The following SCMH1 variants were observed in gnomAD, a reference collection of about 807,000 sequenced individuals.
SCMH1 encodes the protein Scm polycomb group protein homolog 1, also known as polycomb protein SCMH1.
In SCMH1, 37 loss-of-function variants were observed where a neutral mutation model predicts 70.8. That is an observed-to-expected ratio of 0.52 (90% CI 0.40 to 0.69). The LOEUF is 0.69. SCMH1 is among the 30% of genes least tolerant of loss of function. The pLI, the probability that SCMH1 is intolerant of heterozygous loss-of-function variation, is 0.00. For missense variants in SCMH1, 607 were observed against 827.3 expected (o/e 0.73, Z 3.27); for synonymous variants, 292 against 307.4 (o/e 0.95, Z 0.52).
At chr1:41,122,578 C>T (rs777206008) in intron 6 of SCMH1, among the ~76,000 whole-genome samples, 2 of 152,092 alleles carry the variant, frequency 1.3e-5, no homozygotes, top group Admixed American at 6.5e-5. Context: ...AATTGATGAA[C>T]GCTTTATTAT....
intron 1 of SCMH1, among the ~76,000 whole-genome samples, chr1:41,204,201 T>A (rs1446282693): frequency 6.6e-6 from 1 of 152,218 alleles, no homozygotes; most frequent in Non-Finnish European, 1.5e-5. Flanking sequence ...CCAAATTTCT[T>A]GTCTCTTAGG....
chr1:41,181,780 A>C (rs1352317612), intron 2 of SCMH1, among the ~76,000 whole-genome samples: 1 of 152,346 alleles, frequency 6.6e-6, no homozygotes, highest in East Asian at 1.9e-4. Flanking sequence ...CCCTTGTGGA[A>C]GTCAGTGTGG....
chr1:41,063,873 C>A (rs890779315), intron 10 of SCMH1, among the ~76,000 whole-genome samples: 1 of 152,144 alleles, frequency 6.6e-6, no homozygotes. Flanking sequence ...TAGGTTCATT[C>A]GTGAATTCTA....
chr1:41,069,802 T>C lies in SCMH1; in HGVS notation c.1105+793A>G, dbSNP rs548194444. ...AGCCTGACCATGGCAGGTTCTCTCA[T>C]CTTCTATCGGTTATGGGAAACTATG... On this transcript the variant is annotated intron_variant, in intron 10 of 14. Transcript: ENST00000337495. Among the ~76,000 whole-genome samples, 3 of 152,318 alleles carry C rather than the reference T, an allele frequency of 2.0e-5. No individual in the cohort carries two copies. In the South Asian group the frequency reaches 6.2e-4, roughly 32 times the overall value.
At position 41,123,804 on chromosome 1, in the gene SCMH1, T is replaced by A. The variant is rs571952323; in HGVS notation, c.413-6794A>T. On this transcript the variant is annotated intron_variant, in intron 6 of 14. Transcript: ENST00000337495. ...AGGACTCCACTGCAAAAGAGTAATA[T>A]CCCTTATGAGAACAGAACACACATA... Among the ~76,000 whole-genome samples, 9 of 152,298 alleles carry A rather than the reference T, an allele frequency of 5.9e-5. No homozygotes were observed. In the East Asian group the frequency reaches 1.5e-3, roughly 26 times the overall value.
chr1:41,125,406 A>G (rs1672944142), intron 6 of SCMH1, among the ~76,000 whole-genome samples: 1 of 151,732 alleles, frequency 6.6e-6, no homozygotes, highest in Non-Finnish European at 1.5e-5. Context: ...TTGTAGGGAC[A>G]GAGTTTCACC....
intron 6 of SCMH1, among the ~76,000 whole-genome samples, chr1:41,122,075 T>G (rs1308945341): frequency 6.6e-5 from 10 of 152,188 alleles, no homozygotes; most frequent in Non-Finnish European, 1.3e-4. Flanking sequence ...AGCCCTCTAC[T>G]TTTGCAGCCA....
rs539787046 is a variant in SCMH1 at position 41,185,844 on chromosome 1, C to T, written c.13+277G>A. On this transcript the variant is annotated intron_variant, in intron 2 of 14. Transcript: ENST00000337495. ...AAATGGGGTTTCTCCATGTTGGTCT[C>T]GAACTCCTGACTTCAGGTGATCCGC... 1.4e-4 allele frequency: 31 copies of T among 221,898 alleles called. No individual in the cohort carries two copies. In the South Asian group the frequency reaches 2.1e-3, roughly 15 times the overall value. 13.7% of individuals were successfully genotyped at this position (221,898 alleles called of 1,614,324 possible).
chr1:41,212,964 TTAAC>T (rs1196866659), intron 1 of SCMH1, among the ~76,000 whole-genome samples: 2 of 152,130 alleles, frequency 1.3e-5, no homozygotes, highest in Admixed American at 6.6e-5. Context: ...TTAAAAAAGA[TTAAC>T]TAAAGGTATT....
At chr1:41,130,703 T>C (rs1362213863) in intron 6 of SCMH1, among the ~76,000 whole-genome samples, 3 of 152,228 alleles carry the variant, frequency 2.0e-5, no homozygotes, top group African/African-American at 4.8e-5. Flanking sequence ...TCTGTGAACA[T>C]ACAAAGTGTG....
At chr1:41,187,933 G>A (rs968922318) in intron 1 of SCMH1, among the ~76,000 whole-genome samples, 12 of 152,052 alleles carry the variant, frequency 7.9e-5, no homozygotes, top group Non-Finnish European at 1.8e-4. Flanking sequence ...GCTGCAGTGA[G>A]CTATGGTCAT....
chr1:41,119,597 T>C (rs766872459), intron 6 of SCMH1, among the ~76,000 whole-genome samples: 2 of 152,316 alleles, frequency 1.3e-5, no homozygotes, highest in Admixed American at 6.5e-5. Context: ...TATGTGTCTA[T>C]GTCCCATGTT....
At chr1:41,096,441 G>T (rs1287817347) in intron 8 of SCMH1, among the ~76,000 whole-genome samples, 5 of 152,182 alleles carry the variant, frequency 3.3e-5, no homozygotes, top group African/African-American at 1.2e-4. Flanking sequence ...CTTACCTACA[G>T]ATTATTGTCA....
intron 10 of SCMH1, among the ~76,000 whole-genome samples, chr1:41,063,462 G>A (rs1653494783): frequency 6.6e-6 from 1 of 151,974 alleles, no homozygotes; most frequent in African/African-American, 2.4e-5. Context: ...GACAGAGCGA[G>A]ACTCTGTCTA....
intron 14 of SCMH1, 78 bp from the exon 16 acceptor site, chr1:41,028,397 G>A: frequency 6.4e-7 from 1 of 1,574,030 alleles, no homozygotes; most frequent in African/African-American, 1.3e-5. Context: ...CCCAGGTTCT[G>A]ATTATAGGCC....
chr1:41,215,253 T>C (rs931893356), intron 1 of SCMH1, among the ~76,000 whole-genome samples: 1 of 152,146 alleles, frequency 6.6e-6, no homozygotes, highest in Non-Finnish European at 1.5e-5. Context: ...TCCACTTCCA[T>C]TCCATCCTAT....
chr1:41,171,528 A>T (rs543517726), intron 2 of SCMH1, among the ~76,000 whole-genome samples: 116 of 112,242 alleles, frequency 1.0e-3, no homozygotes, highest in African/African-American at 2.6e-3. Flanking sequence ...ATTAAAAATT[A>T]AAAAAAAAAA....
chr1:41,046,113 G>C (rs1481698540), intron 12 of SCMH1, among the ~76,000 whole-genome samples: 2 of 152,174 alleles, frequency 1.3e-5, no homozygotes, highest in African/African-American at 4.8e-5. Flanking sequence ...CTTCTTGGTG[G>C]CTCCACATGC....
chr1:41,138,997 T>C (rs928105331), intron 6 of SCMH1, among the ~76,000 whole-genome samples: 6 of 152,356 alleles, frequency 3.9e-5, no homozygotes, highest in South Asian at 2.1e-4. Flanking sequence ...ATTTCTTTAA[T>C]AGATGGGCCT....
Sources: allele counts gnomAD v4.1 joint callset (sites outside exome capture counted in the v4.1 genomes callset), GRCh38; gene constraint gnomAD v4.1.1; transcripts MANE v1.5; gene names NCBI Gene and HGNC (gene_info 2026-07-23, HGNC 2026-07-21).